DLGAP2: variants seen among roughly 807,000 people sequenced by gnomAD.
The protein encoded by DLGAP2 is disks large-associated protein 2.
Under a neutral mutation model 100.3 loss-of-function variants are expected in DLGAP2, and 26 were observed. The ratio of observed to expected loss-of-function variants is 0.26; its 90% CI spans 0.19 to 0.36. The LOEUF (loss-of-function observed/expected upper bound fraction) is 0.36. DLGAP2 is among the 10% of genes least tolerant of loss of function. DLGAP2 has a pLI of 1.00. For synonymous variants in DLGAP2, 886 were observed against 630.1 expected, an observed-to-expected ratio of 1.41 and a Z score of -6.08; for missense variants, 1,858 against 1,453.2, an observed-to-expected ratio of 1.28 and a Z score of -4.53.
intron 8 of DLGAP2, among the ~76,000 whole-genome samples, chr8:1,649,473 A>G (rs1798115760): frequency 6.6e-6 from 1 of 152,240 alleles, no homozygotes; most frequent in Admixed American, 6.5e-5. Flanking sequence ...TTAAATGAGA[A>G]TGATTACTCT....
At chr8:932,475 T>C (rs1798981418) in intron 2 of DLGAP2, among the ~76,000 whole-genome samples, 1 of 152,258 alleles carries the variant, frequency 6.6e-6, no homozygotes, top group African/African-American at 2.4e-5. Context: ...TGAGTTTTGT[T>C]TTTTCATTTC....
rs1397693050 is a variant in DLGAP2, at chr8:1,483,711, AC to A, written c.107-17654del. Among the ~76,000 whole-genome samples the A allele has an allele frequency of 2.3e-3, 342 of 151,374 alleles. 1 individual carries two copies. The highest frequency in any genetic ancestry group is 9.4e-3 in the East Asian group (46 of 4,898). On this transcript the variant is annotated intron_variant, in intron 3 of 14. Coordinates refer to ENST00000637795, the MANE Select transcript of DLGAP2 (RefSeq NM_001346810.2). Reference sequence around the variant, plus strand: ...TGGGGACCAGGGAGGCAGGTGCAGGACGTGGGGACCAGGAAGGCAGGTGCAG... The same window carrying A: ...TGGGGACCAGGGAGGCAGGTGCAGGAGTGGGGACCAGGAAGGCAGGTGCAG...
intron 1 of DLGAP2, among the ~76,000 whole-genome samples, chr8:783,859 C>A (rs969170767): frequency 2.6e-5 from 4 of 152,076 alleles, no homozygotes; most frequent in African/African-American, 4.8e-5. Context: ...AATCAATGGG[C>A]GAAACTTATT....
chr8:1,287,153 TGTGTGCGC>T, intron 3 of DLGAP2, among the ~76,000 whole-genome samples: 1 of 127,836 alleles, frequency 7.8e-6, no homozygotes, highest in African/African-American at 2.8e-5. Flanking sequence ...TGTGTGTGTG[TGTGTGCGC>T]GCGCGCGCGT....
chr8:803,750 C>G (rs1032503500), intron 1 of DLGAP2, among the ~76,000 whole-genome samples: 2 of 152,224 alleles, frequency 1.3e-5, no homozygotes, highest in African/African-American at 4.8e-5. Context: ...GAGAAACGTG[C>G]TGTACTTTGA....
At chr8:1,214,242 C>G (rs530769057) in intron 2 of DLGAP2, among the ~76,000 whole-genome samples, 9 of 152,318 alleles carry the variant, frequency 5.9e-5, no homozygotes, top group African/African-American at 2.2e-4. Flanking sequence ...TCAGCAAGTC[C>G]TCTCCCAACC....
chr8:858,697 C>T (rs1293078183), intron 1 of DLGAP2, among the ~76,000 whole-genome samples: 1 of 144,312 alleles, frequency 6.9e-6, no homozygotes, highest in Non-Finnish European at 1.5e-5. Context: ...GTGATGCTGT[C>T]ATTGTAGGGA....
chr8:756,894 G>A (rs1312565962), intron 1 of DLGAP2, among the ~76,000 whole-genome samples: 1 of 152,124 alleles, frequency 6.6e-6, no homozygotes, highest in Non-Finnish European at 1.5e-5. Context: ...CTCTGCATGC[G>A]GTGTTTTCTG....
chr8:1,538,671 C>G (rs553280914), intron 4 of DLGAP2, among the ~76,000 whole-genome samples: 1 of 152,130 alleles, frequency 6.6e-6, no homozygotes, highest in Non-Finnish European at 1.5e-5. Context: ...TGCCCTGGCC[C>G]TCTTTTCTAG....
intron 3 of DLGAP2, among the ~76,000 whole-genome samples, chr8:1,308,745 G>C (rs1233532045): frequency 6.6e-6 from 1 of 152,170 alleles, no homozygotes; most frequent in Non-Finnish European, 1.5e-5. Flanking sequence ...GGCTGGTCTT[G>C]AACTCCCGAC....
chr8:1,670,859 G>C lies in DLGAP2; in HGVS notation c.2202+1075G>C, dbSNP rs1023141036. ...GAATTGAAGCCACTGCAGGAGTAAA[G>C]GGGAGGAAAAGAAGGAATCGAGCAG... On this transcript the variant is annotated intron_variant, in intron 10 of 14. Coordinates refer to ENST00000637795, the MANE Select transcript of DLGAP2 (RefSeq NM_001346810.2). Among the ~76,000 whole-genome samples, 15 of 152,338 alleles carry C rather than the reference G, an allele frequency of 9.8e-5. 1 individual carries two copies. Among genetic ancestry groups the C allele is most frequent in the African/African-American group, 3.6e-4 (15 of 41,580 alleles).
At chr8:1,572,990 A>G (rs1361389797) in intron 6 of DLGAP2, among the ~76,000 whole-genome samples, 15 of 68,528 alleles carry the variant, frequency 2.2e-4, no homozygotes, top group South Asian at 6.7e-4. Flanking sequence ...GGTGAACTGG[A>G]GGGGCGTCTT....
In DLGAP2 at chr8:1,107,121, C is replaced by T. The variant is rs552305910; in HGVS notation, c.74-151730C>T. 9.2e-4 allele frequency among the ~76,000 whole-genome samples: 140 copies of T among 152,290 alleles called. 1 individual carries two copies. The highest frequency in any genetic ancestry group is 3.4e-3 in the Middle Eastern group (1 of 294). On this transcript the variant is annotated intron_variant, in intron 2 of 14. Transcript: ENST00000637795. Reference sequence around the variant, plus strand: ...GCTCACCTGCGGGCGGTATCACACACGCATCAAAATAAAAATCAGTGGGGG... The same window carrying T: ...GCTCACCTGCGGGCGGTATCACACATGCATCAAAATAAAAATCAGTGGGGG...
intron 1 of DLGAP2, among the ~76,000 whole-genome samples, chr8:829,619 T>C (rs1796744679): frequency 6.6e-6 from 1 of 152,260 alleles, no homozygotes; most frequent in Admixed American, 6.5e-5. Flanking sequence ...TTGTCAGTTA[T>C]TTCTTTTTTC....
chr8:1,348,153 C>T (rs1347788007), intron 3 of DLGAP2, among the ~76,000 whole-genome samples: 1 of 151,992 alleles, frequency 6.6e-6, no homozygotes, highest in Admixed American at 6.6e-5. Context: ...CCATACAGAG[C>T]TACAGTGCAC....
At chr8:1,580,203 G>C (rs1298089490) in intron 6 of DLGAP2, among the ~76,000 whole-genome samples, 1 of 152,158 alleles carries the variant, frequency 6.6e-6, no homozygotes, top group Non-Finnish European at 1.5e-5. Flanking sequence ...CAGAGAAAAC[G>C]TGAAAGTAAC....
At chr8:1,285,526 C>G (rs1019153790) in intron 3 of DLGAP2, among the ~76,000 whole-genome samples, 1 of 152,072 alleles carries the variant, frequency 6.6e-6, no homozygotes, top group Non-Finnish European at 1.5e-5. Flanking sequence ...GTATCTGGGG[C>G]TGTGGAATAA....
intron 2 of DLGAP2, among the ~76,000 whole-genome samples, chr8:1,206,067 A>T (rs955435709): frequency 6.6e-6 from 1 of 152,178 alleles, no homozygotes; most frequent in African/African-American, 2.4e-5. Flanking sequence ...CTCAGTCGGG[A>T]TATCTCTGAG....
intron 6 of DLGAP2, among the ~76,000 whole-genome samples, chr8:1,614,351 A>T (rs555707446): frequency 1.0e-3 from 156 of 152,366 alleles, no homozygotes; most frequent in African/African-American, 3.4e-3. Context: ...TGAACACGGA[A>T]TTACCAGCCA....
Sources: gnomAD v4.1 joint callset for allele counts (sites outside exome capture counted in the v4.1 genomes callset) on GRCh38, gnomAD v4.1.1 for gene constraint, MANE v1.5 for transcripts, NCBI Gene and HGNC (gene_info 2026-07-23, HGNC 2026-07-21) for gene names.